ATP11B: variants seen among roughly 807,000 people sequenced by gnomAD.
ATP11B encodes phospholipid-transporting ATPase IF.
ATP11B carries 81 observed loss-of-function variants against 157.8 expected under a neutral mutation model. The ratio of observed to expected loss-of-function variants is 0.51; its 90% CI spans 0.43 to 0.62. ATP11B has a LOEUF of 0.62. ATP11B is among the 20% of genes least tolerant of loss of function. ATP11B has a pLI of 0.00. For synonymous variants in ATP11B, 451 were observed against 469.4 expected, an observed-to-expected ratio of 0.96 and a Z score of 0.51; for missense variants, 1,165 against 1,402.2, an observed-to-expected ratio of 0.83 and a Z score of 2.70.
At chr3:182,899,458 A>G (rs751753970) in intron 28 of ATP11B, among the ~76,000 whole-genome samples, 4 of 151,848 alleles carry the variant, frequency 2.6e-5, no homozygotes, top group Non-Finnish European at 5.9e-5. Flanking sequence ...GCCGAGTAAT[A>G]TTTTTTCTGA....
intron 10 of ATP11B, among the ~76,000 whole-genome samples, chr3:182,850,978 A>G (rs1287586128): frequency 2.0e-5 from 3 of 152,230 alleles, no homozygotes; most frequent in Non-Finnish European, 1.5e-5. Flanking sequence ...ACTGAAGATC[A>G]TTATGTTAAG....
chr3:182,911,622 A>G (rs1028912005), intron 28 of ATP11B, among the ~76,000 whole-genome samples: 2 of 152,108 alleles, frequency 1.3e-5, no homozygotes, highest in African/African-American at 2.4e-5. Flanking sequence ...TCACTGGGGC[A>G]TACGTGGTGA....
At chr3:182,825,063 C>T (rs1717622452) in intron 2 of ATP11B, among the ~76,000 whole-genome samples, 1 of 152,102 alleles carries the variant, frequency 6.6e-6, no homozygotes, top group African/African-American at 2.4e-5. Context: ...CCTTTCACTC[C>T]CCTGTTATTC....
At chr3:182,891,590 C>T (rs1200507824) in intron 25 of ATP11B, among the ~76,000 whole-genome samples, 3 of 151,852 alleles carry the variant, frequency 2.0e-5, no homozygotes, top group Non-Finnish European at 2.9e-5. Context: ...GTAAGTATTC[C>T]CTTAATTTGA....
chr3:182,863,287 A>G (rs1367989230), intron 12 of ATP11B, among the ~76,000 whole-genome samples: 2 of 152,148 alleles, frequency 1.3e-5, no homozygotes, highest in Non-Finnish European at 2.9e-5. Flanking sequence ...TTAATTACAT[A>G]TTATATATGT....
intron 25 of ATP11B, among the ~76,000 whole-genome samples, chr3:182,893,847 A>G (rs1723339330): frequency 6.6e-6 from 1 of 152,156 alleles, no homozygotes; most frequent in South Asian, 2.1e-4. Flanking sequence ...ATGCATGCCA[A>G]CATCTATTTT....
intron 27 of ATP11B, 39 bp from the exon 28 acceptor site, chr3:182,898,568 A>C (rs1295175490): frequency 1.3e-6 from 2 of 1,542,704 alleles, no homozygotes; most frequent in South Asian, 2.6e-5. Context: ...TAAGTCTTTC[A>C]GTTTCCACTT....
chr3:182,857,779 A>G (rs1720523835), intron 10 of ATP11B, 99 bp from the exon 11 acceptor site: 7 of 692,248 alleles, frequency 1.0e-5, no homozygotes, highest in African/African-American at 7.1e-5. Context: ...AATACCCTCT[A>G]TGTTTTAATA....
intron 1 of ATP11B, among the ~76,000 whole-genome samples, chr3:182,814,790 C>A (rs1289145213): frequency 1.3e-5 from 2 of 152,020 alleles, no homozygotes; most frequent in South Asian, 2.1e-4. Context: ...CCTGGGTGAC[C>A]GAGCAAGACC....
At chr3:182,839,536 T>G (rs1308748830) in intron 7 of ATP11B, among the ~76,000 whole-genome samples, 2 of 152,144 alleles carry the variant, frequency 1.3e-5, no homozygotes, top group African/African-American at 4.8e-5. Context: ...AGATCAAAAT[T>G]TAGTAATATT....
At chr3:182,869,433 C>T in intron 17 of ATP11B, 102 bp downstream of exon 17, 1 of 801,756 alleles carries the variant, frequency 1.2e-6, no homozygotes, top group Non-Finnish European at 1.9e-6. Flanking sequence ...GGACATTCTG[C>T]AGTTGTGTTA....
Position 182,889,465 on chromosome 3 carries a change from C to T in ATP11B, c.2899C>T (p.Leu967=), listed in dbSNP as rs1409476472. 1.3e-6 allele frequency: 2 copies of T among 1,579,846 alleles called. No individual in the cohort carries two copies. The highest frequency in any genetic ancestry group is 2.4e-5 in the South Asian group (2 of 84,252). ...SIKTFLYWTI[L]GFSHAFIFFF... ...TAAAACATTTCTTTATTGGACCATCCTGGGCTTCAGTCATGCCTTTATTTT... is the reference window on the plus strand; with the variant it reads ...TAAAACATTTCTTTATTGGACCATCTTGGGCTTCAGTCATGCCTTTATTTT... The change falls in exon 25 of 30, where the codon CTG becomes TTG. Residue 967 remains leucine, a synonymous_variant. Coordinates refer to ENST00000323116, the MANE Select transcript of ATP11B (RefSeq NM_014616.3).
intron 28 of ATP11B, among the ~76,000 whole-genome samples, chr3:182,899,303 C>A (rs186752328): frequency 6.6e-6 from 1 of 151,932 alleles, no homozygotes; most frequent in African/African-American, 2.4e-5. Context: ...CAGGCACCTG[C>A]CTCCACACCT....
rs765171647 is a variant in ATP11B at position 182,842,086 on chromosome 3, G to A, written c.668G>A (p.Arg223Gln). The change falls in exon 8 of 30, where the codon CGA becomes CAA. Residue 223 changes from arginine to glutamine, a missense_variant. Physicochemically the swap from Arg to Gln is conservative, Grantham distance 43. Transcript: ENST00000323116. The part of the protein sequence containing the change: ...PEADLYRFMG[R>Q]MIITQQMEEI... ...GAATTTTTTGATAGATTCATGGGAC[G>A]AATGATCATAACCCAACAAATGGAA... 89 of 1,603,538 alleles carry A rather than the reference G, an allele frequency of 5.6e-5. No homozygotes were observed. The South Asian group carries it at 7.6e-4, about 14-fold the overall frequency.
In ATP11B at chr3:182,919,139, C is replaced by T. The variant is rs1309961224; in HGVS notation, c.*1035C>T. ...TGAATACAAAAAGAAGAGCCTCTTT[C>T]TGCAGCCGACTTAGACATGCTCTTC... On this transcript the variant is annotated 3_prime_UTR_variant, in exon 30 of 30. Coordinates refer to ENST00000323116, the MANE Select transcript of ATP11B (RefSeq NM_014616.3). The T allele has an allele frequency of 6.6e-6, 1 of 152,492 alleles. No individual in the cohort carries two copies. The highest frequency in any genetic ancestry group is 1.5e-5 in the Non-Finnish European group (1 of 68,014). The allele number at this position is 152,492 out of a possible 1,614,324, so 9.4% of individuals were successfully genotyped here.
chr3:182,846,321 G>A (rs1227237946), intron 9 of ATP11B, among the ~76,000 whole-genome samples: 1 of 151,282 alleles, frequency 6.6e-6, no homozygotes, highest in Non-Finnish European at 1.5e-5. Context: ...ACACAAAATA[G>A]CAAGTGTTGG....
At chr3:182,840,429 G>A (rs193010294) in intron 7 of ATP11B, among the ~76,000 whole-genome samples, 2 of 152,256 alleles carry the variant, frequency 1.3e-5, no homozygotes, top group East Asian at 3.9e-4. Flanking sequence ...TTTAAAGACT[G>A]TCTACATGCT....
intron 24 of ATP11B, 39 bp from the exon 25 acceptor site, chr3:182,889,371 T>C: frequency 7.2e-7 from 1 of 1,396,664 alleles, no homozygotes; most frequent in Non-Finnish European, 9.7e-7. Flanking sequence ...AAATAATAAA[T>C]GATCCCTAAT....
In ATP11B at chr3:182,816,224, C is replaced by T. The variant is rs1490128998; in HGVS notation, c.28-4036C>T. ...CAAATAGTTTAAATTTGTGTGCCTACAATACCTAAACTCTACTTTTTAGTA... is the reference window on the plus strand; with the variant it reads ...CAAATAGTTTAAATTTGTGTGCCTATAATACCTAAACTCTACTTTTTAGTA... On this transcript the variant is annotated intron_variant, in intron 1 of 29. Transcript: ENST00000323116. 2.0e-5 allele frequency among the ~76,000 whole-genome samples: 3 copies of T among 152,122 alleles called. No individual in the cohort carries two copies. In the East Asian group the frequency reaches 5.8e-4, roughly 29 times the overall value.
Sources: allele counts gnomAD v4.1 joint callset (sites outside exome capture counted in the v4.1 genomes callset), GRCh38; gene constraint gnomAD v4.1.1; transcripts MANE v1.5; gene names NCBI Gene and HGNC (gene_info 2026-07-23, HGNC 2026-07-21).